Variants in THADA observed in about 807,000 individuals in gnomAD.
THADA encodes THADA armadillo repeat containing, also known as tRNA (32-2'-O)-methyltransferase regulator THADA.
THADA carries 213 observed loss-of-function variants against 219.8 expected under a neutral mutation model. That is an observed-to-expected ratio of 0.97 (90% confidence interval 0.87 to 1.09). THADA has a LOEUF of 1.09. Ranked by LOEUF, THADA falls within the 50% of genes least tolerant of loss-of-function variation. The probability of loss-of-function intolerance (pLI) is 0.00; values close to 1 mark genes in which losing one functional copy is unlikely to be tolerated. For missense variants in THADA, 2,956 were observed against 2,311.3 expected (o/e 1.28, Z -5.72); for synonymous variants, 1,018 against 828.9 (o/e 1.23, Z -3.92).
At chr2:43,331,384 GAA>G (rs1354200329) in intron 30 of THADA, among the ~76,000 whole-genome samples, 11 of 152,206 alleles carry the variant, frequency 7.2e-5, no homozygotes, top group Middle Eastern at 3.2e-3. Context: ...AGAGAGACTA[GAA>G]ACTCTGATGA....
At chr2:43,244,797 G>A (rs1668961313) in intron 36 of THADA, among the ~76,000 whole-genome samples, 1 of 152,234 alleles carries the variant, frequency 6.6e-6, no homozygotes, top group Non-Finnish European at 1.5e-5. Context: ...ACTCTGCAGA[G>A]CCTCCCAGAG....
intron 31 of THADA, among the ~76,000 whole-genome samples, chr2:43,310,929 C>A (rs992920132): frequency 3.3e-5 from 5 of 152,212 alleles, no homozygotes; most frequent in Non-Finnish European, 5.9e-5. Flanking sequence ...GTAATCCCAG[C>A]ACTTTGGGAG....
intron 26 of THADA, among the ~76,000 whole-genome samples, chr2:43,468,502 A>G (rs1573802185): frequency 6.6e-6 from 1 of 152,348 alleles, no homozygotes; most frequent in Middle Eastern, 3.4e-3. Context: ...AAGGGTCAGT[A>G]AAGCTTTTAG....
chr2:43,365,734 T>TA (rs973700257), intron 29 of THADA, among the ~76,000 whole-genome samples: 8 of 151,548 alleles, frequency 5.3e-5, no homozygotes, highest in African/African-American at 1.2e-4. Flanking sequence ...GAAGGCAAGT[T>TA]AAAAAAAAGG....
chr2:43,348,534 C>T (rs146234225), intron 29 of THADA, among the ~76,000 whole-genome samples: 14 of 152,316 alleles, frequency 9.2e-5, no homozygotes, highest in African/African-American at 2.2e-4. Flanking sequence ...CTGCCTGGCA[C>T]GGGTAGGATT....
At chr2:43,292,268 G>A in intron 32 of THADA, 46 bp from the exon 33 acceptor site, 1 of 1,237,014 alleles carries the variant, frequency 8.1e-7, no homozygotes, top group Non-Finnish European at 1.1e-6. Flanking sequence ...TAAATACTCA[G>A]GGAGATGTCT....
intron 28 of THADA, among the ~76,000 whole-genome samples, chr2:43,419,235 A>C (rs1005006103): frequency 6.6e-6 from 1 of 152,222 alleles, no homozygotes; most frequent in Non-Finnish European, 1.5e-5. Context: ...TGATCACAAT[A>C]TAAAGAGACA....
chr2:43,549,955 C>A (rs1171017486), intron 19 of THADA, among the ~76,000 whole-genome samples: 2 of 150,618 alleles, frequency 1.3e-5, no homozygotes, highest in Non-Finnish European at 3.0e-5. Flanking sequence ...AACGACTCCA[C>A]AACTTTGAAA....
At chr2:43,265,374 T>A (rs1478088938) in intron 36 of THADA, among the ~76,000 whole-genome samples, 2 of 152,214 alleles carry the variant, frequency 1.3e-5, no homozygotes, top group African/African-American at 2.4e-5. Flanking sequence ...AGAGCCTCAA[T>A]CACTCTGCTG....
intron 28 of THADA, among the ~76,000 whole-genome samples, chr2:43,403,586 T>C (rs1173974332): frequency 1.3e-5 from 2 of 152,086 alleles, no homozygotes; most frequent in Non-Finnish European, 2.9e-5. Context: ...TCCCCTTCCA[T>C]CCTACCTCAT....
intron 26 of THADA, among the ~76,000 whole-genome samples, chr2:43,453,181 T>C (rs1405869577): frequency 1.3e-5 from 2 of 152,196 alleles, no homozygotes; most frequent in African/African-American, 4.8e-5. Flanking sequence ...GGTATACACA[T>C]ATTTTCCCAA....
chr2:43,248,228 GAGAC>G (rs1558464871), intron 36 of THADA, among the ~76,000 whole-genome samples: 16 of 144,022 alleles, frequency 1.1e-4, no homozygotes, highest in African/African-American at 2.7e-4. Context: ...GAGAGAGAGA[GAGAC>G]AGAGAGAGAG....
At chr2:43,454,880 A>G (rs1682794580) in intron 26 of THADA, among the ~76,000 whole-genome samples, 1 of 152,152 alleles carries the variant, frequency 6.6e-6, no homozygotes, top group African/African-American at 2.4e-5. Context: ...TGCTCCATTA[A>G]CTTCTAAGTC....
At chr2:43,539,101 T>C (rs1694973061) in intron 21 of THADA, among the ~76,000 whole-genome samples, 1 of 152,236 alleles carries the variant, frequency 6.6e-6, no homozygotes, top group Non-Finnish European at 1.5e-5. Flanking sequence ...CTCTGAAGAA[T>C]AAGAAATGCA....
intron 32 of THADA, 66 bp downstream of exon 32, chr2:43,292,768 C>G: frequency 1.3e-6 from 2 of 1,551,234 alleles, no homozygotes; most frequent in Non-Finnish European, 1.7e-6. Context: ...ATGATCCTAC[C>G]ATTCCAGTGG....
intron 21 of THADA, among the ~76,000 whole-genome samples, chr2:43,531,665 T>TTTTAAAATGAAAATCTCTGAATTTTCAC (rs1440015507): frequency 1.3e-5 from 2 of 152,222 alleles, no homozygotes; most frequent in East Asian, 1.9e-4. Context: ...AAAATTTGAT[T>TTTTAAAATGAAAATCTCTGAATTTTCAC]TTTAAAATGA....
At chr2:43,555,345 C>G (rs2103901992) in intron 17 of THADA, among the ~76,000 whole-genome samples, 1 of 151,122 alleles carries the variant, frequency 6.6e-6, no homozygotes, top group South Asian at 2.1e-4. Flanking sequence ...GATCACCTAG[C>G]TTGTGAATAA....
rs560971960 is a variant in THADA, at chr2:43,458,552, T to C, written c.3836+26682A>G. ...GTACTTTGAAATCACCAAGTTCTGCTGATTCGACCGCCTATCTCTCAATTC... is the reference window on the plus strand; with the variant it reads ...GTACTTTGAAATCACCAAGTTCTGCCGATTCGACCGCCTATCTCTCAATTC... On this transcript the variant is annotated intron_variant, in intron 26 of 37. Coordinates refer to ENST00000405975, the MANE Select transcript of THADA (RefSeq NM_022065.5). 1.8e-4 allele frequency among the ~76,000 whole-genome samples: 27 copies of C among 152,338 alleles called. No homozygotes were observed. The South Asian group carries it at 5.2e-3, about 29-fold the overall frequency.
chr2:43,450,772 T>C (rs1294857012), intron 26 of THADA, among the ~76,000 whole-genome samples: 1 of 152,030 alleles, frequency 6.6e-6, no homozygotes, highest in Non-Finnish European at 1.5e-5. Context: ...AGATTAAAAG[T>C]AAAATCATGG....
Sources: gnomAD v4.1 joint callset for allele counts (sites outside exome capture counted in the v4.1 genomes callset) on GRCh38, gnomAD v4.1.1 for gene constraint, MANE v1.5 for transcripts, NCBI Gene and HGNC (gene_info 2026-07-23, HGNC 2026-07-21) for gene names.